The following ZNF248 variants were observed in gnomAD, a reference collection of about 807,000 sequenced individuals.
The protein encoded by ZNF248 is zinc finger protein 248.
A neutral mutation model predicts 44.3 loss-of-function variants in ZNF248; 20 were observed. The ratio of observed to expected loss-of-function variants is 0.45; its 90% CI spans 0.32 to 0.66. The LOEUF is 0.66. Among genes scored for constraint, ZNF248 ranks in the 30% least tolerant of loss-of-function variants. ZNF248 has a pLI of 0.04. For synonymous variants in ZNF248, 224 were observed against 229.0 expected, an observed-to-expected ratio of 0.98 and a Z score of 0.20; for missense variants, 654 against 677.0, an observed-to-expected ratio of 0.97 and a Z score of 0.38.
rs541408964 is a variant in ZNF248 at position 37,790,038 on chromosome 10, G to A, written c.331-13463C>T. ...ACACTTTGGGAGGCTGAGGTGGGCG[G>A]ATCACAAGGTCAGGAGATCAAGACC... On this transcript the variant is annotated intron_variant, in intron 6 of 6. Transcript: ENST00000615949. Among the ~76,000 whole-genome samples the A allele has an allele frequency of 1.7e-3, 257 of 150,404 alleles. 1 individual carries two copies. In the Middle Eastern group the frequency reaches 0.021, roughly 12 times the overall value.
chr10:37,842,060 A>G (rs1437209923), intron 3 of ZNF248, among the ~76,000 whole-genome samples: 1 of 152,202 alleles, frequency 6.6e-6, no homozygotes, highest in African/African-American at 2.4e-5. Flanking sequence ...TTAATAATAT[A>G]TCAGTATTGT....
chr10:37,767,055 A>C, the ZNF248 span, among the ~76,000 whole-genome samples: 1 of 152,160 alleles, frequency 6.6e-6, no homozygotes, highest in Non-Finnish European at 1.5e-5. Flanking sequence ...GAAATGAAGC[A>C]AGAAGGGAAG....
At chr10:37,774,355 A>C (rs750516251), downstream of ZNF248, among the ~76,000 whole-genome samples, 28 of 152,234 alleles carry the variant, frequency 1.8e-4, no homozygotes, top group Non-Finnish European at 3.7e-4. Context: ...TGCTTTGCTC[A>C]GCGAGAGCAC....
chr10:37,831,694 C>G lies in ZNF248; in HGVS notation c.1661G>C (p.Gly554Ala). The G allele has an allele frequency of 6.2e-7, 1 of 1,613,920 alleles. No individual in the cohort carries two copies. The highest frequency in any genetic ancestry group is 8.5e-7 in the Non-Finnish European group (1 of 1,179,858). Residue 554 changes from glycine to alanine, a missense_variant, in exon 6 of 6, where the codon GGG becomes GCG. Physicochemically the swap from Gly to Ala is moderately conservative, Grantham distance 60. Transcript: ENST00000395867. ...CACTGACCTCTGACTAAAGGTCTTCCCACATGCATTACACTCATACGGCTT... is the reference window on the plus strand; with the variant it reads ...CACTGACCTCTGACTAAAGGTCTTCGCACATGCATTACACTCATACGGCTT... ...GEKPYECNAC[G>A]KTFSQRSVLT...
At chr10:37,800,082 A>G (rs1041751909) in intron 6 of ZNF248, among the ~76,000 whole-genome samples, 1 of 152,144 alleles carries the variant, frequency 6.6e-6, no homozygotes, top group African/African-American at 2.4e-5. Flanking sequence ...AAGAAAAAAG[A>G]AAACACCAGA....
At chr10:37,846,844 T>C (rs200937) in intron 3 of ZNF248, among the ~76,000 whole-genome samples, 72,569 of 151,896 alleles carry the variant, frequency 0.48, 17,674 homozygotes, top group East Asian at 0.56. Flanking sequence ...AAATCTTCAA[T>C]AAATACACTA....
intron 3 of ZNF248, among the ~76,000 whole-genome samples, chr10:37,853,862 G>T (rs372858175): frequency 3.6e-4 from 55 of 152,210 alleles, no homozygotes; most frequent in African/African-American, 9.6e-4. Context: ...TTGGGGTAAA[G>T]GCAAATAACT....
At chr10:37,766,260 G>A in the ZNF248 span, among the ~76,000 whole-genome samples, 11 of 152,244 alleles carry the variant, frequency 7.2e-5, no homozygotes, top group African/African-American at 2.7e-4. Flanking sequence ...GAAGAGAGTA[G>A]TGGTTCTCCC....
chr10:37,806,134 C>T (rs1235545253), intron 6 of ZNF248, among the ~76,000 whole-genome samples: 1 of 152,142 alleles, frequency 6.6e-6, no homozygotes, highest in Non-Finnish European at 1.5e-5. Flanking sequence ...GTTGCTTTCA[C>T]TTTTTGGCTT....
At position 37,831,729 on chromosome 10, in the gene ZNF248, G is replaced by GT; in HGVS notation, c.1625dup (p.His542GlnfsTer8). 1 of 1,613,282 alleles carries GT rather than the reference G, an allele frequency of 6.2e-7. No individual in the cohort carries two copies. The highest frequency in any genetic ancestry group is 8.5e-7 in the Non-Finnish European group (1 of 1,179,312). Reference sequence around the variant, plus strand: ...TACACTCATACGGCTTCTCCCCTGTGTGAGTCCTCTGATGTTTAGTGAGAG... The same window carrying GT: ...TACACTCATACGGCTTCTCCCCTGTGTTGAGTCCTCTGATGTTTAGTGAGAG... On this transcript the variant is annotated frameshift_variant, in exon 6 of 6. Transcript: ENST00000395867. LOFTEE classifies it high-confidence loss of function.
downstream of ZNF248, among the ~76,000 whole-genome samples, chr10:37,824,673 A>T (rs868461764): frequency 0.014 from 1,088 of 79,800 alleles, 37 homozygotes; most frequent in African/African-American, 0.054. Context: ...ATTATTTTAA[A>T]TTTTTTTTTT....
In ZNF248 at chr10:37,811,799, A is replaced by T. The variant is rs527757018; in HGVS notation, c.330+21226T>A. On this transcript the variant is annotated intron_variant, in intron 6 of 6. Coordinates refer to the ZNF248 transcript ENST00000615949. ...AGGTCAAGGCTGCAAGTAAGCTGTG[A>T]TCATGCCACTGTACTCCAGCCTGGC... is the stretch of plus-strand genomic sequence containing the variant. Among the ~76,000 whole-genome samples the T allele has an allele frequency of 8.8e-4, 134 of 152,224 alleles. 1 individual carries two copies. Among genetic ancestry groups the T allele is most frequent in the Non-Finnish European group, 1.5e-3 (99 of 68,010 alleles).
chr10:37,803,384 C>A (rs2133243112), intron 6 of ZNF248: 1 of 152,362 alleles, frequency 6.6e-6, no homozygotes, highest in East Asian at 1.9e-4. Flanking sequence ...TCACAGTGGG[C>A]AGTGACGTGT....
intron 6 of ZNF248, chr10:37,819,228 T>C (rs1406552995): frequency 6.0e-6 from 5 of 834,696 alleles, no homozygotes; most frequent in Non-Finnish European, 1.1e-5. Context: ...CAGGCCTCTT[T>C]CTCTGACATT....
chr10:37,779,834 A>G (rs1314471552), intron 6 of ZNF248, among the ~76,000 whole-genome samples: 1 of 150,696 alleles, frequency 6.6e-6, no homozygotes, highest in Non-Finnish European at 1.5e-5. Flanking sequence ...ATACAAAATC[A>G]ATGTACAAAA....
intron 6 of ZNF248, among the ~76,000 whole-genome samples, chr10:37,817,173 T>C (rs1465726483): frequency 6.6e-6 from 1 of 152,142 alleles, no homozygotes; most frequent in Non-Finnish European, 1.5e-5. Context: ...TTTTCTTGGC[T>C]GCACCCACTT....
downstream of ZNF248, chr10:37,776,523 G>C (rs1742242): frequency 0.069 from 27,498 of 398,122 alleles, 1,167 homozygotes; most frequent in Non-Finnish European, 0.09. Flanking sequence ...TTCCTAGGGC[G>C]CCTTCTTCTT....
chr10:37,839,485 C>A (rs2057907239), intron 3 of ZNF248, among the ~76,000 whole-genome samples: 1 of 150,150 alleles, frequency 6.7e-6, no homozygotes, highest in Non-Finnish European at 1.5e-5. Context: ...TCTCAAGACA[C>A]CTCTTATACA....
At chr10:37,810,554 G>A (rs2051328643) in intron 6 of ZNF248, among the ~76,000 whole-genome samples, 1 of 151,956 alleles carries the variant, frequency 6.6e-6, no homozygotes, top group Non-Finnish European at 1.5e-5. Flanking sequence ...CAACATATTG[G>A]AAAAGTTTTT....
Sources: allele counts gnomAD v4.1 joint callset (sites outside exome capture counted in the v4.1 genomes callset), GRCh38; gene constraint gnomAD v4.1.1; transcripts MANE v1.5; gene names NCBI Gene and HGNC (gene_info 2026-07-23, HGNC 2026-07-21).